Variants in UBE2E2 observed in about 807,000 individuals in gnomAD.
The protein encoded by UBE2E2 is ubiquitin-conjugating enzyme E2 E2.
Under a neutral mutation model 24.7 loss-of-function variants are expected in UBE2E2, and 6 were observed. The observed-to-expected ratio is 0.24, with a 90% CI of 0.13 to 0.48. The LOEUF (loss-of-function observed/expected upper bound fraction) is 0.48, where lower values mean the gene tolerates loss of function less well. UBE2E2 is among the 20% of genes least tolerant of loss of function. The probability of loss-of-function intolerance (pLI) is 0.99; values close to 1 mark genes in which losing one functional copy is unlikely to be tolerated. For missense variants in UBE2E2, 169 were observed against 245.0 expected, an observed-to-expected ratio of 0.69 and a Z score of 2.07; for synonymous variants, 104 against 83.6, an observed-to-expected ratio of 1.24 and a Z score of -1.33.
chr3:23,405,172 A>G (rs1012176118), intron 3 of UBE2E2, among the ~76,000 whole-genome samples: 5 of 152,192 alleles, frequency 3.3e-5, no homozygotes, highest in Non-Finnish European at 7.3e-5. Context: ...GCGAAACAGT[A>G]TAATGTGGTA....
chr3:23,541,635 A>G (rs533689554), intron 5 of UBE2E2, among the ~76,000 whole-genome samples: 148 of 152,346 alleles, frequency 9.7e-4, no homozygotes, highest in Non-Finnish European at 1.8e-3. Context: ...CTACAGGGAA[A>G]CCTGTTGCCA....
At chr3:23,228,083 G>A in intron 3 of UBE2E2, among the ~76,000 whole-genome samples, 1 of 152,146 alleles carries the variant, frequency 6.6e-6, no homozygotes, top group Admixed American at 6.5e-5. Flanking sequence ...GAAGACAACT[G>A]TCTCAATAAA....
intron 3 of UBE2E2, among the ~76,000 whole-genome samples, chr3:23,301,868 C>T (rs954201257): frequency 6.6e-6 from 1 of 151,740 alleles, no homozygotes; most frequent in Non-Finnish European, 1.5e-5. Flanking sequence ...GAGCTGTAGA[C>T]GGGAGCTGTT....
intron 3 of UBE2E2, among the ~76,000 whole-genome samples, chr3:23,354,730 CAGGTGCTGGAGAGG>C (rs1314158915): frequency 3.3e-5 from 5 of 152,182 alleles, no homozygotes; most frequent in African/African-American, 1.2e-4. Flanking sequence ...CAGGAAGCAA[CAGGTGCTGGAGAGG>C]ATGTGGAGAA....
intron 3 of UBE2E2, among the ~76,000 whole-genome samples, chr3:23,316,426 A>T (rs1694581025): frequency 6.6e-6 from 1 of 151,304 alleles, no homozygotes; most frequent in Admixed American, 6.6e-5. Flanking sequence ...CTGCTAGGCT[A>T]CCTCCAGTGC....
At chr3:23,276,742 A>G (rs1004886291) in intron 3 of UBE2E2, among the ~76,000 whole-genome samples, 10 of 152,222 alleles carry the variant, frequency 6.6e-5, no homozygotes, top group Admixed American at 1.3e-4. Context: ...AAGTTATTCA[A>G]GATATTTCAG....
intron 3 of UBE2E2, among the ~76,000 whole-genome samples, chr3:23,372,592 G>C (rs1442381222): frequency 6.6e-6 from 1 of 152,030 alleles, no homozygotes; most frequent in Non-Finnish European, 1.5e-5. Context: ...TGCACCATGG[G>C]GTCTGTACAG....
chr3:23,550,580 ACT>A (rs1695619812), intron 5 of UBE2E2, among the ~76,000 whole-genome samples: 1 of 152,084 alleles, frequency 6.6e-6, no homozygotes, highest in Admixed American at 6.6e-5. Flanking sequence ...TGGGAGTGAA[ACT>A]CAACTTTTTC....
intron 5 of UBE2E2, among the ~76,000 whole-genome samples, chr3:23,571,439 G>A (rs1575716053): frequency 1.3e-5 from 2 of 151,476 alleles, no homozygotes; most frequent in East Asian, 2.0e-4. Context: ...ACAGGCGTGT[G>A]CCACCACGCC....
At chr3:23,282,814 G>A (rs564483711) in intron 3 of UBE2E2, among the ~76,000 whole-genome samples, 10 of 151,670 alleles carry the variant, frequency 6.6e-5, no homozygotes, top group Admixed American at 1.3e-4. Flanking sequence ...TTTTGTAGAA[G>A]CCAGAGCAAA....
intron 3 of UBE2E2, among the ~76,000 whole-genome samples, chr3:23,305,812 C>G (rs977670621): frequency 9.9e-5 from 15 of 152,158 alleles, no homozygotes; most frequent in African/African-American, 3.4e-4. Context: ...TTACCGCAGC[C>G]TGGAGCTCCT....
At position 23,508,688 on chromosome 3, in the gene UBE2E2, C is replaced by T. The variant is rs568515044; in HGVS notation, c.360+8948C>T. Among the ~76,000 whole-genome samples, 148 of 152,332 alleles carry T rather than the reference C, an allele frequency of 9.7e-4. 3 individuals are homozygous for T. In the South Asian group the frequency reaches 0.022, roughly 22 times the overall value. Reference sequence around the variant, plus strand: ...GTGGAGGTTTCAAACAAGTATTTTACTGTGCTTCTCCATGCCCTGGAGTTC... The same window carrying T: ...GTGGAGGTTTCAAACAAGTATTTTATTGTGCTTCTCCATGCCCTGGAGTTC... On this transcript the variant is annotated intron_variant, in intron 4 of 5. Coordinates refer to ENST00000396703, the MANE Select transcript of UBE2E2 (RefSeq NM_152653.4).
Position 23,279,190 on chromosome 3 carries a change from T to C in UBE2E2, c.227+61878T>C, listed in dbSNP as rs75922662. Among the ~76,000 whole-genome samples the C allele has an allele frequency of 7.5e-4, 115 of 152,318 alleles. 2 individuals are homozygous for C. In the East Asian group the frequency reaches 0.02, roughly 27 times the overall value. On this transcript the variant is annotated intron_variant, in intron 3 of 5. Transcript: ENST00000396703. The stretch of plus-strand genomic sequence containing the variant: ...ATTTTCAGGTAATAAATGGACAGAT[T>C]TGGCTTAGTAGTTGAGGCGTGATTT...
chr3:23,320,822 C>G (rs1419594018), intron 3 of UBE2E2, among the ~76,000 whole-genome samples: 2 of 152,192 alleles, frequency 1.3e-5, no homozygotes, highest in Non-Finnish European at 2.9e-5. Context: ...TAGTCTGTGT[C>G]TATTGGTATC....
chr3:23,351,224 CTCCTGA>C (rs1695738845), intron 3 of UBE2E2, among the ~76,000 whole-genome samples: 1 of 152,150 alleles, frequency 6.6e-6, no homozygotes, highest in Admixed American at 6.5e-5. Flanking sequence ...CCTAAAAGAG[CTCCTGA>C]AGGAAGCACT....
At chr3:23,292,248 A>G (rs547880921) in intron 3 of UBE2E2, among the ~76,000 whole-genome samples, 9 of 152,190 alleles carry the variant, frequency 5.9e-5, no homozygotes, top group Middle Eastern at 6.8e-3. Context: ...AAGTTCTGGG[A>G]TTACAGGCAT....
chr3:23,568,534 A>G (rs1024578666), intron 5 of UBE2E2, among the ~76,000 whole-genome samples: 10 of 151,042 alleles, frequency 6.6e-5, no homozygotes, highest in East Asian at 3.9e-4. Context: ...TTTAAAGAGA[A>G]TTTATTTTCT....
intron 3 of UBE2E2, among the ~76,000 whole-genome samples, chr3:23,423,807 T>G (rs1697859025): frequency 6.6e-6 from 1 of 152,200 alleles, no homozygotes; most frequent in Non-Finnish European, 1.5e-5. Context: ...CATCTCTTCC[T>G]AAATCTCCGA....
At chr3:23,296,308 T>G (rs1698906481) in intron 3 of UBE2E2, among the ~76,000 whole-genome samples, 1 of 152,192 alleles carries the variant, frequency 6.6e-6, no homozygotes, top group Non-Finnish European at 1.5e-5. Flanking sequence ...TCTTTTTTCT[T>G]TTTTTTAAAT....
Sources: allele counts gnomAD v4.1 joint callset (sites outside exome capture counted in the v4.1 genomes callset), GRCh38; gene constraint gnomAD v4.1.1; transcripts MANE v1.5; gene names NCBI Gene and HGNC (gene_info 2026-07-23, HGNC 2026-07-21).